Variants in LUZP2 observed in about 807,000 individuals in gnomAD.
LUZP2 encodes leucine zipper protein 2.
Under a neutral mutation model 51.6 loss-of-function variants are expected in LUZP2, and 52 were observed. The ratio of observed to expected loss-of-function variants is 1.01; its 90% CI spans 0.81 to 1.27. The LOEUF is 1.27. Among genes scored for constraint, LUZP2 ranks in the 50% most tolerant of loss-of-function variants. LUZP2 has a pLI of 0.00. For missense variants in LUZP2, 436 were observed against 395.4 expected (o/e 1.10, Z -0.87); for synonymous variants, 154 against 137.3 (o/e 1.12, Z -0.85).
At chr11:24,601,988 G>GTGTATATATGTATATATA in intron 1 of LUZP2, among the ~76,000 whole-genome samples, 1 of 65,714 alleles carries the variant, frequency 1.5e-5, no homozygotes, top group South Asian at 3.8e-4. Context: ...GTATATATAT[G>GTGTATATATGTATATATA]TGTATATATG....
chr11:24,545,500 G>A (rs569300493), intron 1 of LUZP2, among the ~76,000 whole-genome samples: 4 of 149,688 alleles, frequency 2.7e-5, no homozygotes, highest in East Asian at 3.9e-4. Context: ...TGCATATGGC[G>A]AGCCAGCAAT....
At chr11:24,751,663 T>C (rs1232843148) in intron 4 of LUZP2, 6 of 691,270 alleles carry the variant, frequency 8.7e-6, no homozygotes, top group East Asian at 1.4e-4. Flanking sequence ...GCAGCCATCA[T>C]TGGCCCTTTT....
At chr11:24,916,756 C>A (rs1388830324) in intron 7 of LUZP2, among the ~76,000 whole-genome samples, 1 of 152,132 alleles carries the variant, frequency 6.6e-6, no homozygotes, top group Non-Finnish European at 1.5e-5. Context: ...TGGGTTGATT[C>A]CAAGTCTTTG....
In LUZP2 at chr11:25,077,315, T is replaced by G; in HGVS notation, c.859-14T>G. 6.2e-7 allele frequency: 1 copy of G among 1,601,270 alleles called. No individual in the cohort carries two copies. The highest frequency in any genetic ancestry group is 8.6e-7 in the Non-Finnish European group (1 of 1,168,922). ...TTAACTTCATTGATGTATTTTTAAT[T>G]GCTACTTTTGTAGGAGGGCAGACCG... is the stretch of plus-strand genomic sequence containing the variant. On this transcript the variant is annotated splice_polypyrimidine_tract_variant and intron_variant, in intron 10 of 11. Coordinates refer to ENST00000336930, the MANE Select transcript of LUZP2 (RefSeq NM_001009909.4).
chr11:24,730,469 G>T (rs376340129), intron 2 of LUZP2, among the ~76,000 whole-genome samples: 10 of 151,610 alleles, frequency 6.6e-5, no homozygotes, highest in Non-Finnish European at 1.3e-4. Flanking sequence ...TGAAAACAGC[G>T]CAGGAATCAT....
chr11:24,561,808 A>G (rs934593088), intron 1 of LUZP2, among the ~76,000 whole-genome samples: 43 of 150,708 alleles, frequency 2.9e-4, no homozygotes, highest in African/African-American at 1.0e-3. Context: ...GCACCCCAGA[A>G]CTTAAAGTAT....
chr11:24,668,274 A>C (rs1856282716), intron 1 of LUZP2, among the ~76,000 whole-genome samples: 1 of 152,240 alleles, frequency 6.6e-6, no homozygotes, highest in African/African-American at 2.4e-5. Context: ...CTGAAGCATA[A>C]AGGGAATTTA....
chr11:25,003,813 T>A (rs568513517), intron 9 of LUZP2, among the ~76,000 whole-genome samples: 1 of 152,168 alleles, frequency 6.6e-6, no homozygotes, highest in Non-Finnish European at 1.5e-5. Flanking sequence ...GTTCCCCATA[T>A]TCATGTAGAT....
At chr11:24,840,340 G>T (rs1850989969) in intron 5 of LUZP2, among the ~76,000 whole-genome samples, 1 of 151,784 alleles carries the variant, frequency 6.6e-6, no homozygotes, top group East Asian at 1.9e-4. Context: ...GCCTTATATA[G>T]GAAACATTTG....
chr11:24,983,009 T>A, intron 8 of LUZP2, 117 bp from the exon 9 acceptor site: 1 of 944,924 alleles, frequency 1.1e-6, no homozygotes, highest in East Asian at 2.5e-5. Flanking sequence ...GGCAATTACA[T>A]TTGAAAAGTG....
intron 4 of LUZP2, 137 bp downstream of exon 4, chr11:24,738,439 G>A: frequency 1.6e-6 from 1 of 640,370 alleles, no homozygotes; most frequent in Non-Finnish European, 2.8e-6. Context: ...CAGTCAATGT[G>A]AACAGAATAG....
At chr11:24,794,293 T>G (rs554692566) in intron 5 of LUZP2, among the ~76,000 whole-genome samples, 1 of 152,132 alleles carries the variant, frequency 6.6e-6, no homozygotes, top group Non-Finnish European at 1.5e-5. Context: ...CTCTACATAC[T>G]TTGCACATGG....
At chr11:24,889,832 A>G (rs1019592998) in intron 5 of LUZP2, among the ~76,000 whole-genome samples, 1 of 152,216 alleles carries the variant, frequency 6.6e-6, no homozygotes, top group Non-Finnish European at 1.5e-5. Flanking sequence ...TAAATTATGG[A>G]CATACATTAT....
chr11:24,971,147 G>T (rs891474594), intron 7 of LUZP2, among the ~76,000 whole-genome samples: 1 of 152,068 alleles, frequency 6.6e-6, no homozygotes, highest in African/African-American at 2.4e-5. Flanking sequence ...GTCTACTAGA[G>T]CAATTATCCT....
At chr11:24,773,874 C>G (rs778668347) in intron 5 of LUZP2, among the ~76,000 whole-genome samples, 1 of 152,082 alleles carries the variant, frequency 6.6e-6, no homozygotes, top group African/African-American at 2.4e-5. Flanking sequence ...CTTCAGTGCC[C>G]GAGGACCCTA....
intron 9 of LUZP2, among the ~76,000 whole-genome samples, chr11:24,999,355 G>A: frequency 6.6e-6 from 1 of 151,912 alleles, no homozygotes; most frequent in Non-Finnish European, 1.5e-5. Flanking sequence ...AAAAGAAGAA[G>A]GAGGAGGAAG....
chr11:24,998,308 T>C (rs1217963504), intron 9 of LUZP2, among the ~76,000 whole-genome samples: 3 of 152,216 alleles, frequency 2.0e-5, no homozygotes, highest in Non-Finnish European at 4.4e-5. Flanking sequence ...AGCAGTGGTT[T>C]GTAGTTCTCC....
intron 7 of LUZP2, among the ~76,000 whole-genome samples, chr11:24,923,185 C>G (rs947124280): frequency 3.3e-5 from 5 of 151,824 alleles, no homozygotes. Flanking sequence ...TTTGATTCCA[C>G]GATATCGTAT....
chr11:24,906,720 C>G (rs886489044), intron 6 of LUZP2, among the ~76,000 whole-genome samples: 6 of 152,002 alleles, frequency 3.9e-5, no homozygotes, highest in African/African-American at 1.2e-4. Context: ...GGAGAGGAGA[C>G]AAGAGTCACT....
Sources: allele counts gnomAD v4.1 joint callset (sites outside exome capture counted in the v4.1 genomes callset), GRCh38; gene constraint gnomAD v4.1.1; transcripts MANE v1.5; gene names NCBI Gene and HGNC (gene_info 2026-07-23, HGNC 2026-07-21).